Variants in ADAMTSL1 observed in about 807,000 individuals in gnomAD.
ADAMTSL1 encodes ADAMTS-like protein 1.
In ADAMTSL1, 126 loss-of-function variants were observed where a neutral mutation model predicts 201.8. The observed-to-expected ratio is 0.62, with a 90% CI of 0.54 to 0.72. The LOEUF is 0.72. Ranked by LOEUF, ADAMTSL1 falls within the 30% of genes least tolerant of loss-of-function variation. The pLI is 0.00. For missense variants in ADAMTSL1, 2,679 were observed against 2,277.8 expected (o/e 1.18, Z -3.59); for synonymous variants, 1,121 against 903.4 (o/e 1.24, Z -4.32).
intron 15 of ADAMTSL1, among the ~76,000 whole-genome samples, chr9:18,746,109 G>A (rs1188488777): frequency 6.6e-6 from 1 of 152,216 alleles, no homozygotes. Flanking sequence ...TCCACTGAAA[G>A]CTCAGCTTGA....
At chr9:18,394,390 T>A (rs1030423281) in intron 2 of ADAMTSL1, among the ~76,000 whole-genome samples, 3 of 152,234 alleles carry the variant, frequency 2.0e-5, no homozygotes, top group African/African-American at 7.2e-5. Context: ...CATTTTTGTT[T>A]GTCAGATGTT....
At chr9:18,710,203 C>T (rs1461904753) in intron 14 of ADAMTSL1, among the ~76,000 whole-genome samples, 1 of 152,214 alleles carries the variant, frequency 6.6e-6, no homozygotes, top group African/African-American at 2.4e-5. Flanking sequence ...TTCCCACCTC[C>T]CCTCAGCCTC....
intron 23 of ADAMTSL1, among the ~76,000 whole-genome samples, chr9:18,832,832 C>G (rs1825073890): frequency 6.6e-6 from 1 of 152,212 alleles, no homozygotes; most frequent in Admixed American, 6.5e-5. Context: ...ACGAGGTCAG[C>G]TGGCTGTAAC....
At chr9:18,498,897 G>T (rs1377370634) in intron 1 of ADAMTSL1, among the ~76,000 whole-genome samples, 2 of 152,228 alleles carry the variant, frequency 1.3e-5, no homozygotes, top group Admixed American at 6.5e-5. Flanking sequence ...CTGGCATGCA[G>T]GTACTTAAGA....
At chr9:18,875,941 A>G (rs539138449) in intron 23 of ADAMTSL1, among the ~76,000 whole-genome samples, 1 of 151,032 alleles carries the variant, frequency 6.6e-6, no homozygotes, top group Admixed American at 6.7e-5. Flanking sequence ...TTATGTGCAT[A>G]GTTAGGATTA....
intron 1 of ADAMTSL1, among the ~76,000 whole-genome samples, chr9:18,488,939 G>T (rs181217821): frequency 6.6e-6 from 1 of 152,234 alleles, no homozygotes; most frequent in Non-Finnish European, 1.5e-5. Context: ...GATAAAAGTT[G>T]GTTCAAGAAA....
chr9:18,894,663 C>T (rs931590255), intron 26 of ADAMTSL1, among the ~76,000 whole-genome samples: 1 of 151,950 alleles, frequency 6.6e-6, no homozygotes, highest in Non-Finnish European at 1.5e-5. Context: ...TTGTTTGGGA[C>T]ATGTTTAGTA....
chr9:18,262,015 A>G (rs1264436561), intron 2 of ADAMTSL1, among the ~76,000 whole-genome samples: 5 of 152,212 alleles, frequency 3.3e-5, no homozygotes, highest in African/African-American at 1.2e-4. Flanking sequence ...CAATTACAAT[A>G]TGTATGGTAA....
At chr9:18,291,920 T>C (rs1833289635) in intron 2 of ADAMTSL1, among the ~76,000 whole-genome samples, 1 of 152,242 alleles carries the variant, frequency 6.6e-6, no homozygotes, top group Non-Finnish European at 1.5e-5. Context: ...TTGCAGCCAA[T>C]GTTGTTCATG....
chr9:18,064,930 T>C (rs1258876895), intron 1 of ADAMTSL1, among the ~76,000 whole-genome samples: 2 of 147,948 alleles, frequency 1.4e-5, no homozygotes, highest in Non-Finnish European at 3.0e-5. Flanking sequence ...CAAAAATTGA[T>C]TCAGAAAGCA....
intron 2 of ADAMTSL1, among the ~76,000 whole-genome samples, chr9:18,342,154 G>A (rs1835491170): frequency 6.6e-6 from 1 of 152,064 alleles, no homozygotes; most frequent in Non-Finnish European, 1.5e-5. Flanking sequence ...TCTTCTCCCA[G>A]TGTCTATACG....
intron 23 of ADAMTSL1, among the ~76,000 whole-genome samples, chr9:18,861,338 T>G (rs944860228): frequency 6.6e-6 from 1 of 152,240 alleles, no homozygotes; most frequent in African/African-American, 2.4e-5. Context: ...CAGGTCTAAA[T>G]TGGCCTGAAT....
At chr9:18,021,356 T>C (rs1277637416) in intron 1 of ADAMTSL1, among the ~76,000 whole-genome samples, 1 of 152,194 alleles carries the variant, frequency 6.6e-6, no homozygotes, top group Non-Finnish European at 1.5e-5. Context: ...GAAAAACTCC[T>C]TAACAGAATA....
intron 1 of ADAMTSL1, among the ~76,000 whole-genome samples, chr9:18,048,967 A>G (rs928891145): frequency 3.9e-5 from 6 of 152,148 alleles, no homozygotes; most frequent in African/African-American, 1.4e-4. Context: ...AGGCTTTGAG[A>G]GGAGGATCCA....
At chr9:18,532,250 C>T (rs1412810213) in intron 2 of ADAMTSL1, among the ~76,000 whole-genome samples, 1 of 152,038 alleles carries the variant, frequency 6.6e-6, no homozygotes, top group East Asian at 1.9e-4. Context: ...TCATGTATTG[C>T]TGGTGGGAGT....
At chr9:18,395,273 A>G (rs1420801580) in intron 2 of ADAMTSL1, among the ~76,000 whole-genome samples, 1 of 152,206 alleles carries the variant, frequency 6.6e-6, no homozygotes, top group East Asian at 1.9e-4. Flanking sequence ...TTAAAAAAGA[A>G]TCATGTGTTT....
At chr9:18,549,467 G>C (rs1820666020) in intron 3 of ADAMTSL1, among the ~76,000 whole-genome samples, 1 of 151,956 alleles carries the variant, frequency 6.6e-6, no homozygotes, top group South Asian at 2.1e-4. Flanking sequence ...ACTACTACAG[G>C]CTACATTTGA....
intron 9 of ADAMTSL1, among the ~76,000 whole-genome samples, chr9:18,668,294 C>G (rs1345509460): frequency 6.6e-6 from 1 of 152,054 alleles, no homozygotes; most frequent in Non-Finnish European, 1.5e-5. Context: ...ATAAATGATA[C>G]AAAGTTAGGG....
intron 2 of ADAMTSL1, among the ~76,000 whole-genome samples, chr9:18,373,986 C>T (rs1026125039): frequency 6.6e-6 from 1 of 152,182 alleles, no homozygotes; most frequent in Non-Finnish European, 1.5e-5. Flanking sequence ...AGGAACTGGG[C>T]TAGGAACTTT....
Sources: gnomAD v4.1 joint callset for allele counts (sites outside exome capture counted in the v4.1 genomes callset) on GRCh38, gnomAD v4.1.1 for gene constraint, MANE v1.5 for transcripts, NCBI Gene and HGNC (gene_info 2026-07-23, HGNC 2026-07-21) for gene names.